The following CCDC6 variants were observed in gnomAD, a reference collection of about 807,000 sequenced individuals.
CCDC6 encodes coiled-coil domain-containing protein 6.
CCDC6 carries 20 observed loss-of-function variants against 56.6 expected under a neutral mutation model. That is an observed-to-expected ratio of 0.35 (90% CI 0.25 to 0.51). The LOEUF is 0.51. CCDC6 is among the 20% of genes least tolerant of loss of function. The pLI is 0.95. For synonymous variants in CCDC6, 241 were observed against 234.4 expected (o/e 1.03, Z -0.26); for missense variants, 367 against 601.1 (o/e 0.61, Z 4.07).
intron 1 of CCDC6, among the ~76,000 whole-genome samples, chr10:59,870,492 G>A (rs1684898): frequency 0.76 from 115,765 of 152,006 alleles, 44,239 homozygotes; most frequent in East Asian, 0.9. Flanking sequence ...CACCACTGTT[G>A]GATCATGAAT....
intron 5 of CCDC6, 54 bp from the exon 6 acceptor site, chr10:59,807,132 C>T (rs536210977): frequency 7.8e-6 from 12 of 1,547,654 alleles, no homozygotes; most frequent in Non-Finnish European, 1.1e-5. Flanking sequence ...ATATCCAAAT[C>T]TAAAAAAAAG....
At chr10:59,867,453 T>G (rs559984641) in intron 1 of CCDC6, among the ~76,000 whole-genome samples, 23 of 152,350 alleles carry the variant, frequency 1.5e-4, no homozygotes, top group African/African-American at 5.0e-4. Context: ...TGAAGCCTGC[T>G]ACTTTGGAGG....
rs1564735177 is a variant in CCDC6 at position 59,792,676 on chromosome 10, G to T, written c.*241C>A. On this transcript the variant is annotated 3_prime_UTR_variant, in exon 9 of 9. Transcript: ENST00000263102. ...CCAAACAGCGAAGGTTCCAGCCAGG[G>T]AATGGACGTACATGAAGATTCAAGT... is the stretch of plus-strand genomic sequence containing the variant. The T allele has an allele frequency of 1.3e-6, 1 of 748,068 alleles. No homozygotes were observed. Among genetic ancestry groups the T allele is most frequent in the East Asian group, 2.5e-5 (1 of 39,716 alleles). 46.3% of individuals were successfully genotyped at this position (748,068 alleles called of 1,614,324 possible). A position where few individuals can be genotyped will look rare whatever the true frequency, so the allele number is the denominator to read the frequency against.
At chr10:59,882,002 CTGGGGAGAAGGAAAGGAAAGCCG>C (rs1564755749) in intron 1 of CCDC6, among the ~76,000 whole-genome samples, 3 of 112,074 alleles carry the variant, frequency 2.7e-5, no homozygotes, top group African/African-American at 7.1e-5. Context: ...AGAAGGAAAG[CTGGGGAGAAGGAAAGGAAAGCCG>C]CGGGGAGAAG....
At chr10:59,882,076 G>A (rs1268129565) in intron 1 of CCDC6, among the ~76,000 whole-genome samples, 1 of 134,526 alleles carries the variant, frequency 7.4e-6, no homozygotes, top group Non-Finnish European at 1.6e-5. Flanking sequence ...AAGCCGCGGG[G>A]AGAAGGAAAG....
At chr10:59,818,049 TG>T (rs1224827051) in intron 3 of CCDC6, among the ~76,000 whole-genome samples, 3 of 152,012 alleles carry the variant, frequency 2.0e-5, no homozygotes, top group Non-Finnish European at 4.4e-5. Context: ...CCAAAATTGC[TG>T]GGTCCTGTCC....
intron 1 of CCDC6, 88 bp downstream of exon 1, chr10:59,906,033 GA>G (rs2071542621): frequency 3.5e-6 from 4 of 1,152,422 alleles, no homozygotes; most frequent in Non-Finnish European, 4.9e-6. Context: ...GGAATCTGGG[GA>G]AGACTTGGGG....
At chr10:59,794,931 CT>C (rs1261317084) in intron 7 of CCDC6, among the ~76,000 whole-genome samples, 1 of 152,054 alleles carries the variant, frequency 6.6e-6, no homozygotes, top group Non-Finnish European at 1.5e-5. Flanking sequence ...GACACTGGAC[CT>C]TATCTCTTAC....
At chr10:59,880,340 G>C (rs534353062) in intron 1 of CCDC6, among the ~76,000 whole-genome samples, 2 of 152,160 alleles carry the variant, frequency 1.3e-5, no homozygotes, top group South Asian at 2.1e-4. Context: ...TGGTTTTTCT[G>C]GACACTCTAG....
At position 59,876,053 on chromosome 10, in the gene CCDC6, A is replaced by AT. The variant is rs1348534507; in HGVS notation, c.304-23352_304-23351insA. ...ATGGCCAACAAGCCTACACACATAC[A>AT]CGAGTGCATGCACAGATGTCTTTTT... On this transcript the variant is annotated intron_variant, in intron 1 of 8. Transcript: ENST00000263102. 5.8e-5 allele frequency among the ~76,000 whole-genome samples: 7 copies of AT among 121,128 alleles called. No individual in the cohort carries two copies. The East Asian group carries it at 1.7e-3, about 29-fold the overall frequency. The allele number at this position is 121,128 out of a possible 152,430, so 79.5% of individuals were successfully genotyped here. A position where few individuals can be genotyped will look rare whatever the true frequency, so the allele number is the denominator to read the frequency against.
intron 1 of CCDC6, among the ~76,000 whole-genome samples, chr10:59,877,397 C>A (rs1006720587): frequency 7.2e-5 from 11 of 152,306 alleles, no homozygotes; most frequent in African/African-American, 2.6e-4. Context: ...GGAGGTGGTT[C>A]TTCTGTTAGG....
intron 7 of CCDC6, among the ~76,000 whole-genome samples, chr10:59,801,060 G>A (rs12571632): frequency 0.2 from 30,030 of 152,106 alleles, 3,635 homozygotes; most frequent in Middle Eastern, 0.28. Flanking sequence ...AAAACTGCAA[G>A]GGGTGGGATA....
At chr10:59,860,436 A>T (rs1212235057) in intron 1 of CCDC6, among the ~76,000 whole-genome samples, 1 of 152,180 alleles carries the variant, frequency 6.6e-6, no homozygotes, top group African/African-American at 2.4e-5. Flanking sequence ...TGACTCTACA[A>T]TGAGCCCAGA....
intron 2 of CCDC6, among the ~76,000 whole-genome samples, chr10:59,846,483 A>C (rs986964482): frequency 1.3e-5 from 2 of 152,184 alleles, no homozygotes; most frequent in African/African-American, 4.8e-5. Flanking sequence ...CAACTATTTT[A>C]GTTCCAGGAA....
chr10:59,834,070 C>A (rs1423381190), intron 2 of CCDC6, among the ~76,000 whole-genome samples: 4 of 152,132 alleles, frequency 2.6e-5, no homozygotes, highest in Non-Finnish European at 5.9e-5. Flanking sequence ...AAAAAAGCCA[C>A]GTATGCTTGC....
intron 3 of CCDC6, among the ~76,000 whole-genome samples, chr10:59,825,076 T>C (rs969585361): frequency 3.3e-5 from 5 of 152,218 alleles, no homozygotes; most frequent in African/African-American, 7.2e-5. Context: ...TTAGCATGAA[T>C]GGAATTCTAA....
At chr10:59,796,703 C>T (rs186931745) in intron 7 of CCDC6, among the ~76,000 whole-genome samples, 15 of 152,282 alleles carry the variant, frequency 9.9e-5, no homozygotes, top group Admixed American at 1.3e-4. Flanking sequence ...AGCGGTGGCT[C>T]ACGCCTGTAA....
intron 3 of CCDC6, among the ~76,000 whole-genome samples, chr10:59,824,365 T>C (rs1350342779): frequency 1.3e-5 from 2 of 152,160 alleles, no homozygotes; most frequent in African/African-American, 2.4e-5. Context: ...CTTTTGAGTA[T>C]GGTGTATTGA....
intron 2 of CCDC6, among the ~76,000 whole-genome samples, chr10:59,834,198 T>C (rs2070859798): frequency 6.6e-6 from 1 of 151,974 alleles, no homozygotes; most frequent in Non-Finnish European, 1.5e-5. Flanking sequence ...CATTTGACAG[T>C]GTCCACTGCC....
Sources: gnomAD v4.1 joint callset for allele counts (sites outside exome capture counted in the v4.1 genomes callset) on GRCh38, gnomAD v4.1.1 for gene constraint, MANE v1.5 for transcripts, NCBI Gene and HGNC (gene_info 2026-07-23, HGNC 2026-07-21) for gene names.